Variants in PTPRT observed in about 807,000 individuals in gnomAD.
PTPRT encodes the protein protein tyrosine phosphatase receptor type T.
PTPRT carries 56 observed loss-of-function variants against 176.8 expected under a neutral mutation model. The ratio of observed to expected loss-of-function variants is 0.32; its 90% confidence interval spans 0.26 to 0.40. PTPRT has a LOEUF of 0.40. Among genes scored for constraint, PTPRT ranks in the 10% least tolerant of loss-of-function variants. PTPRT has a pLI of 1.00. For synonymous variants in PTPRT, 783 were observed against 739.0 expected (o/e 1.06, Z -0.96); for missense variants, 1,540 against 1,908.2 (o/e 0.81, Z 3.60).
At chr20:42,456,207 G>A (rs1424584215) in intron 8 of PTPRT, among the ~76,000 whole-genome samples, 1 of 151,922 alleles carries the variant, frequency 6.6e-6, no homozygotes, top group African/African-American at 2.4e-5. Context: ...TACTTGTTAG[G>A]TTAATAGAAA....
chr20:43,181,387 CT>C (rs1221838506), intron 1 of PTPRT, among the ~76,000 whole-genome samples: 1 of 152,104 alleles, frequency 6.6e-6, no homozygotes, highest in African/African-American at 2.4e-5. Context: ...CCTACTTTTC[CT>C]TTTCAGAAAG....
intron 1 of PTPRT, among the ~76,000 whole-genome samples, chr20:42,927,992 T>C (rs1186238484): frequency 6.6e-6 from 1 of 152,192 alleles, no homozygotes; most frequent in Non-Finnish European, 1.5e-5. Flanking sequence ...TCACATGCTA[T>C]TGGCTGCTAA....
chr20:42,052,434 C>T, the PTPRT span, among the ~76,000 whole-genome samples: 1 of 152,208 alleles, frequency 6.6e-6, no homozygotes, highest in Admixed American at 6.5e-5. Context: ...TATGTACCTG[C>T]TTATGTTTGT....
intron 1 of PTPRT, among the ~76,000 whole-genome samples, chr20:43,000,364 G>A (rs1984496076): frequency 6.6e-6 from 1 of 151,126 alleles, no homozygotes; most frequent in Admixed American, 6.6e-5. Flanking sequence ...GAAAAAAAAA[G>A]GCAGAAGGGA....
chr20:42,369,653 CAG>C lies in PTPRT; in HGVS notation c.1561-17370_1561-17369del, dbSNP rs200556816. ...AGAACACATCCTTTGAAGTGGGTGA[CAG>C]GGGAGAAAATCAACACCCAAACAAA... On this transcript the variant is annotated intron_variant, in intron 9 of 30. Transcript: ENST00000373187. Among the ~76,000 whole-genome samples, 98 of 152,180 alleles carry C rather than the reference CAG, an allele frequency of 6.4e-4. 4 individuals carry two copies. In the East Asian group the frequency reaches 0.017, roughly 27 times the overall value.
intron 16 of PTPRT, among the ~76,000 whole-genome samples, chr20:42,188,307 G>A (rs897142549): frequency 2.0e-5 from 3 of 152,228 alleles, no homozygotes; most frequent in Admixed American, 2.0e-4. Context: ...AGAAATGGCT[G>A]GGGAGGAAGG....
At chr20:42,763,447 CT>C (rs111733587) in intron 5 of PTPRT, among the ~76,000 whole-genome samples, 30,286 of 151,920 alleles carry the variant, frequency 0.2, 3,462 homozygotes, top group African/African-American at 0.31. Flanking sequence ...GTTTGAACTT[CT>C]TGGCATCAAA....
chr20:42,946,061 A>C (rs1237871656), intron 1 of PTPRT, among the ~76,000 whole-genome samples: 1 of 152,222 alleles, frequency 6.6e-6, no homozygotes, highest in African/African-American at 2.4e-5. Flanking sequence ...TGGGATCACT[A>C]TGTCCTTGCA....
intron 1 of PTPRT, among the ~76,000 whole-genome samples, chr20:42,939,663 C>T (rs1292589240): frequency 2.0e-5 from 3 of 151,978 alleles, no homozygotes; most frequent in Non-Finnish European, 1.5e-5. Context: ...GAGCTGGGGC[C>T]ATGGCAGTGA....
chr20:42,702,220 G>A (rs2075983918), intron 6 of PTPRT, among the ~76,000 whole-genome samples: 1 of 152,040 alleles, frequency 6.6e-6, no homozygotes, highest in Non-Finnish European at 1.5e-5. Flanking sequence ...CTCCACTATT[G>A]GTGCTTGTAT....
At chr20:42,777,729 G>A (rs995986218) in intron 4 of PTPRT, among the ~76,000 whole-genome samples, 6 of 152,112 alleles carry the variant, frequency 3.9e-5, no homozygotes, top group Non-Finnish European at 8.8e-5. Context: ...TAAAAACCTG[G>A]GCTAGGTATG....
At chr20:42,137,851 A>T (rs1007690523) in intron 18 of PTPRT, among the ~76,000 whole-genome samples, 6 of 152,202 alleles carry the variant, frequency 3.9e-5, no homozygotes, top group Non-Finnish European at 7.4e-5. Flanking sequence ...AAAACCTGGG[A>T]CTGCCTGACC....
intron 16 of PTPRT, among the ~76,000 whole-genome samples, chr20:42,171,954 T>G (rs1200068550): frequency 6.6e-6 from 1 of 152,054 alleles, no homozygotes; most frequent in Non-Finnish European, 1.5e-5. Context: ...AAGAGCCTTG[T>G]AAGGAATCTT....
chr20:42,594,548 A>G (rs187008167), intron 7 of PTPRT, among the ~76,000 whole-genome samples: 102 of 152,356 alleles, frequency 6.7e-4, no homozygotes, highest in African/African-American at 2.3e-3. Context: ...ACATCTGTAT[A>G]TAATATACAT....
Position 42,524,964 on chromosome 20 carries a change from T to C in PTPRT, c.1154-52402A>G, listed in dbSNP as rs115435892. 3.7e-3 allele frequency among the ~76,000 whole-genome samples: 560 copies of C among 152,256 alleles called. 6 individuals carry two copies. Among genetic ancestry groups the C allele is most frequent in the African/African-American group, 0.013 (521 of 41,542 alleles). ...TTGATTCTTTTAAAAATATGCCTCC[T>C]CAACATTTGGTGTTCTCAATCCATT... On this transcript the variant is annotated intron_variant, in intron 7 of 30. Coordinates refer to ENST00000373187, the MANE Select transcript of PTPRT (RefSeq NM_007050.6).
chr20:42,403,575 C>T (rs1356339041), intron 9 of PTPRT, among the ~76,000 whole-genome samples: 1 of 151,986 alleles, frequency 6.6e-6, no homozygotes, highest in Non-Finnish European at 1.5e-5. Context: ...TAAATGAATC[C>T]CTTTCTGCTT....
chr20:42,238,751 C>T lies in PTPRT; in HGVS notation c.2313-2493G>A, dbSNP rs749197685. Among the ~76,000 whole-genome samples the T allele has an allele frequency of 6.4e-4, 98 of 152,172 alleles. 1 individual carries two copies. The highest frequency in any genetic ancestry group is 1.8e-4 in the Non-Finnish European group (12 of 68,036). The stretch of plus-strand genomic sequence containing the variant: ...TTGGACCTCTATTTCCTGATCCATG[C>T]ACCAAGGTGGATGGCATAGATGACC... On this transcript the variant is annotated intron_variant, in intron 14 of 30. Coordinates refer to ENST00000373187, the MANE Select transcript of PTPRT (RefSeq NM_007050.6).
chr20:42,569,951 T>C (rs1356800435), intron 7 of PTPRT, among the ~76,000 whole-genome samples: 1 of 152,232 alleles, frequency 6.6e-6, no homozygotes, highest in East Asian at 1.9e-4. Context: ...ACTAAGTCTA[T>C]GTTACAGAAG....
intron 1 of PTPRT, among the ~76,000 whole-genome samples, chr20:42,920,858 T>C (rs1452489980): frequency 1.3e-5 from 2 of 152,168 alleles, no homozygotes; most frequent in Admixed American, 6.5e-5. Flanking sequence ...AACTGAGCAA[T>C]CATTAAACTG....
Sources: gnomAD v4.1 joint callset for allele counts (sites outside exome capture counted in the v4.1 genomes callset) on GRCh38, gnomAD v4.1.1 for gene constraint, MANE v1.5 for transcripts, NCBI Gene and HGNC (gene_info 2026-07-23, HGNC 2026-07-21) for gene names.